Variants in PCDHA2 observed in about 807,000 individuals in gnomAD.
PCDHA2 encodes the protein protocadherin alpha-2.
A neutral mutation model predicts 66.0 loss-of-function variants in PCDHA2; 58 were observed. The ratio of observed to expected loss-of-function variants is 0.88; its 90% CI spans 0.71 to 1.09. PCDHA2 has a LOEUF of 1.09. Ranked by LOEUF, PCDHA2 falls within the 50% of genes least tolerant of loss-of-function variation. PCDHA2 has a pLI of 0.00. For missense variants in PCDHA2, 1,267 were observed against 1,242.3 expected, an observed-to-expected ratio of 1.02 and a Z score of -0.30; for synonymous variants, 634 against 554.0, an observed-to-expected ratio of 1.14 and a Z score of -2.03.
chr5:140,885,290 A>G (rs1344746797), intron 1 of PCDHA2, among the ~76,000 whole-genome samples: 2 of 152,190 alleles, frequency 1.3e-5, no homozygotes, highest in African/African-American at 4.8e-5. Context: ...ATATATAGAG[A>G]GAGACCTGGT....
chr5:140,842,273 A>G, intron 1 of PCDHA2: 1 of 1,610,790 alleles, frequency 6.2e-7, no homozygotes, highest in Non-Finnish European at 8.5e-7. Flanking sequence ...CTTATACAAA[A>G]TCCTCATTGA....
In PCDHA2 at chr5:140,849,698, C is replaced by G. The variant is rs2150445577; in HGVS notation, c.2388+52346C>G. 4 of 1,598,548 alleles carry G rather than the reference C, an allele frequency of 2.5e-6. No individual in the cohort carries two copies. In the South Asian group the frequency reaches 3.3e-5, roughly 13 times the overall value. The stretch of plus-strand genomic sequence containing the variant: ...TCCCCTTCAAGCTGGTGTCCACCTA[C>G]AAGAATTACTACTCGTTGGTGCTGG... On this transcript the variant is annotated intron_variant, in intron 1 of 3. Transcript: ENST00000526136.
chr5:140,905,980 G>A (rs2072263534), intron 1 of PCDHA2, among the ~76,000 whole-genome samples: 1 of 152,178 alleles, frequency 6.6e-6, no homozygotes, highest in Non-Finnish European at 1.5e-5. Context: ...CAGCATGGGA[G>A]AAAGATGTAG....
At chr5:140,935,093 A>G (rs1182064605) in intron 1 of PCDHA2, among the ~76,000 whole-genome samples, 1 of 152,204 alleles carries the variant, frequency 6.6e-6, no homozygotes, top group Admixed American at 6.5e-5. Context: ...TCCCAGAATC[A>G]GCCATTTTTC....
intron 1 of PCDHA2, among the ~76,000 whole-genome samples, chr5:140,952,645 G>A (rs1396823510): frequency 6.6e-6 from 1 of 152,082 alleles, no homozygotes; most frequent in Non-Finnish European, 1.5e-5. Context: ...ACCTGTGCCT[G>A]GTTACCCAGT....
chr5:140,885,049 A>T (rs1001120267), intron 1 of PCDHA2, among the ~76,000 whole-genome samples: 56 of 152,352 alleles, frequency 3.7e-4, no homozygotes, highest in African/African-American at 1.2e-3. Context: ...TTTAATGTAT[A>T]CATATACCCA....
At chr5:140,847,318 A>G (rs1054415960) in intron 1 of PCDHA2, 1 of 149,914 alleles carries the variant, frequency 6.7e-6, no homozygotes, top group Admixed American at 6.7e-5. Context: ...CAAGGACAGA[A>G]GCAATTGTTA....
chr5:140,802,054 C>A (rs17844253), intron 1 of PCDHA2: 2 of 1,614,034 alleles, frequency 1.2e-6, no homozygotes, highest in Non-Finnish European at 1.7e-6. Flanking sequence ...ACGGACATGT[C>A]AGCAGATATT....
intron 1 of PCDHA2, among the ~76,000 whole-genome samples, chr5:140,947,316 G>A (rs1325852826): frequency 2.6e-5 from 4 of 151,352 alleles, no homozygotes; most frequent in East Asian, 1.9e-4. Context: ...GTAAAAAGTC[G>A]GTTGACCATA....
intron 1 of PCDHA2, chr5:140,801,753 G>A: frequency 5.0e-6 from 8 of 1,613,964 alleles, no homozygotes; most frequent in Non-Finnish European, 6.8e-6. Flanking sequence ...TAAAAGAAAT[G>A]ATGAGGAAAT....
At chr5:140,923,423 G>T (rs533295733) in intron 1 of PCDHA2, among the ~76,000 whole-genome samples, 1 of 152,260 alleles carries the variant, frequency 6.6e-6, no homozygotes, top group East Asian at 1.9e-4. Context: ...GGCTACTTGG[G>T]AGGCTGGGGT....
chr5:141,004,697 T>A (rs2098177211), intron 3 of PCDHA2, among the ~76,000 whole-genome samples: 3 of 152,184 alleles, frequency 2.0e-5, no homozygotes, highest in Admixed American at 2.0e-4. Flanking sequence ...AAACCCAGTT[T>A]TAGGTGCCGA....
intron 1 of PCDHA2, among the ~76,000 whole-genome samples, chr5:140,936,916 A>C (rs782442769): frequency 3.0e-4 from 46 of 152,222 alleles, no homozygotes; most frequent in Non-Finnish European, 6.6e-4. Context: ...ATCTGTAGAA[A>C]ATATGGGGTA....
rs781790601 is a variant in PCDHA2 at position 140,870,998 on chromosome 5, C to G, written c.2388+73646C>G. The G allele has an allele frequency of 6.2e-6, 10 of 1,613,366 alleles. No individual in the cohort carries two copies. The Admixed American group carries it at 1.7e-4, about 27-fold the overall frequency. On this transcript the variant is annotated intron_variant, in intron 1 of 3. Transcript: ENST00000526136. Reference sequence around the variant, plus strand: ...GGGCTGTACACGGGCGAGATAAGCACAACGCGTGCCCTGGACGAGGCAGAC... The same window carrying G: ...GGGCTGTACACGGGCGAGATAAGCAGAACGCGTGCCCTGGACGAGGCAGAC...
chr5:140,950,862 A>G (rs2094526538), intron 1 of PCDHA2, among the ~76,000 whole-genome samples: 1 of 151,952 alleles, frequency 6.6e-6, no homozygotes, highest in African/African-American at 2.4e-5. Context: ...ATATTCTTGT[A>G]TATTCTATAT....
intron 1 of PCDHA2, chr5:140,802,187 G>A (rs782510527): frequency 5.0e-6 from 8 of 1,614,106 alleles, no homozygotes; most frequent in African/African-American, 4.0e-5. Context: ...ATCCCCCAAT[G>A]TCAGATCACT....
intron 1 of PCDHA2, chr5:140,863,365 G>A (rs2047972870): frequency 2.5e-6 from 3 of 1,201,540 alleles, no homozygotes; most frequent in South Asian, 2.4e-5. Flanking sequence ...GCGGTGCTTG[G>A]CGCAGCTCAC....
intron 1 of PCDHA2, among the ~76,000 whole-genome samples, chr5:140,912,788 A>G (rs1467959281): frequency 6.6e-6 from 1 of 152,104 alleles, no homozygotes; most frequent in East Asian, 1.9e-4. Context: ...CTTCTATGCC[A>G]ATTTTCTTGA....
intron 1 of PCDHA2, among the ~76,000 whole-genome samples, chr5:140,962,827 C>T (rs1229108981): frequency 6.6e-6 from 1 of 152,164 alleles, no homozygotes; most frequent in East Asian, 1.9e-4. Flanking sequence ...GACCATTTGT[C>T]TCTTTTTTAT....
Sources: gnomAD v4.1 joint callset for allele counts (sites outside exome capture counted in the v4.1 genomes callset) on GRCh38, gnomAD v4.1.1 for gene constraint, MANE v1.5 for transcripts, NCBI Gene and HGNC (gene_info 2026-07-23, HGNC 2026-07-21) for gene names.